Variants in SLC22A15 observed in about 807,000 individuals in gnomAD.
SLC22A15 encodes the protein flipt 1.
Under a neutral mutation model 62.7 loss-of-function variants are expected in SLC22A15, and 45 were observed. That is an observed-to-expected ratio of 0.72 (90% CI 0.56 to 0.92). The LOEUF (loss-of-function observed/expected upper bound fraction) is 0.92. Among genes scored for constraint, SLC22A15 ranks in the 40% least tolerant of loss-of-function variants. The probability of loss-of-function intolerance (pLI) is 0.00; values close to 1 mark genes in which losing one functional copy is unlikely to be tolerated. For synonymous variants in SLC22A15, 264 were observed against 267.0 expected (o/e 0.99, Z 0.11); for missense variants, 622 against 665.6 (o/e 0.93, Z 0.72).
At chr1:116,045,871 T>C (rs1248275040) in intron 8 of SLC22A15, among the ~76,000 whole-genome samples, 1 of 138,170 alleles carries the variant, frequency 7.2e-6, no homozygotes, top group East Asian at 1.9e-4. Context: ...GGTCAATTGA[T>C]TTTTTTTTTG....
intron 6 of SLC22A15, 62 bp from the exon 7 acceptor site, chr1:116,035,125 T>C: frequency 1.9e-6 from 3 of 1,546,134 alleles, no homozygotes; most frequent in Admixed American, 1.9e-5. Flanking sequence ...GGCAAATTCT[T>C]ATGTACTTTT....
At chr1:116,062,991 G>A in intron 9 of SLC22A15, 109 bp downstream of exon 9, 1 of 1,407,084 alleles carries the variant, frequency 7.1e-7, no homozygotes, top group Non-Finnish European at 9.8e-7. Flanking sequence ...GTTAGTTTGG[G>A]GCAGCAGTAA....
intron 8 of SLC22A15, among the ~76,000 whole-genome samples, chr1:116,051,874 TC>T (rs1472596607): frequency 1.3e-5 from 2 of 152,142 alleles, no homozygotes; most frequent in Non-Finnish European, 2.9e-5. Flanking sequence ...TTGTTTACAG[TC>T]CTGGGTATGT....
intron 2 of SLC22A15, among the ~76,000 whole-genome samples, chr1:115,996,206 G>T (rs549254332): frequency 6.6e-6 from 1 of 152,252 alleles, no homozygotes; most frequent in African/African-American, 2.4e-5. Context: ...GATTCATCTA[G>T]GCTTAGTTTT....
intron 1 of SLC22A15, among the ~76,000 whole-genome samples, chr1:115,978,438 G>C (rs184459538): frequency 6.6e-6 from 1 of 152,164 alleles, no homozygotes; most frequent in African/African-American, 2.4e-5. Flanking sequence ...AACCTTGGAT[G>C]ATTTATGGTC....
intron 8 of SLC22A15, among the ~76,000 whole-genome samples, chr1:116,042,583 GC>G (rs1362355872): frequency 1.3e-5 from 2 of 152,156 alleles, no homozygotes; most frequent in African/African-American, 2.4e-5. Context: ...ATGCTCAAAT[GC>G]TTTGCAAATT....
intron 1 of SLC22A15, among the ~76,000 whole-genome samples, chr1:115,991,754 G>A (rs1655149828): frequency 6.6e-6 from 1 of 152,184 alleles, no homozygotes; most frequent in Non-Finnish European, 1.5e-5. Context: ...AAGCATATAA[G>A]CAGTGTCTTT....
At chr1:116,062,282 C>G (rs1273534717) in intron 8 of SLC22A15, among the ~76,000 whole-genome samples, 4 of 152,194 alleles carry the variant, frequency 2.6e-5, no homozygotes, top group African/African-American at 9.6e-5. Flanking sequence ...TCCTTACCTT[C>G]TCAATGAAAC....
intron 2 of SLC22A15, among the ~76,000 whole-genome samples, chr1:116,009,981 G>A (rs971447332): frequency 1.3e-5 from 2 of 152,148 alleles, no homozygotes; most frequent in Non-Finnish European, 2.9e-5. Context: ...ACTTGGGTCA[G>A]GCCTTGCAGA....
intron 2 of SLC22A15, among the ~76,000 whole-genome samples, chr1:116,004,919 T>C (rs1655903515): frequency 6.6e-6 from 1 of 152,214 alleles, no homozygotes; most frequent in Non-Finnish European, 1.5e-5. Context: ...TTCCAGGAAT[T>C]GGTCCATTTT....
rs1658558279 is a variant in SLC22A15, at chr1:116,069,054, A to ATC, written c.*1952_*1953dup. On this transcript the variant is annotated 3_prime_UTR_variant, in exon 12 of 12. Coordinates refer to ENST00000369503, the MANE Select transcript of SLC22A15 (RefSeq NM_018420.3). ...CCATTTGAAGACTAATTGGGAGTCCATCTCTCTATTGGCACTGGGTTCGAT... is the reference window on the plus strand; with the variant it reads ...CCATTTGAAGACTAATTGGGAGTCCATCTCTCTCTATTGGCACTGGGTTCGAT... The ATC allele has an allele frequency of 6.6e-6, 1 of 152,330 alleles. No homozygotes were observed. Among genetic ancestry groups the ATC allele is most frequent in the South Asian group, 2.1e-4 (1 of 4,828 alleles). 9.4% of individuals were successfully genotyped at this position (152,330 alleles called of 1,614,324 possible).
At chr1:116,020,619 A>T in intron 3 of SLC22A15, 102 bp from the exon 4 acceptor site, 1 of 1,007,762 alleles carries the variant, frequency 9.9e-7, no homozygotes, top group Non-Finnish European at 1.4e-6. Context: ...CAGAAAATTT[A>T]AGTTTACAAA....
In SLC22A15 at chr1:116,064,421, A is replaced by G. The variant is rs755456135; in HGVS notation, c.1293-15A>G. The G allele has an allele frequency of 6.2e-7, 1 of 1,605,544 alleles. No homozygotes were observed. The highest frequency in any genetic ancestry group is 1.3e-5 in the African/African-American group (1 of 74,774). ...CGCTAGAACTTACTGATGTATTTTT[A>G]CTTATGCTTTTCAGGAATGTTGGGC... On this transcript the variant is annotated splice_polypyrimidine_tract_variant and intron_variant, in intron 9 of 11. Coordinates refer to ENST00000369503, the MANE Select transcript of SLC22A15 (RefSeq NM_018420.3).
intron 8 of SLC22A15, among the ~76,000 whole-genome samples, chr1:116,041,805 G>A (rs1314418690): frequency 1.3e-5 from 2 of 152,066 alleles, no homozygotes; most frequent in African/African-American, 4.8e-5. Context: ...CTGAGGCCAG[G>A]GGGAGACCAC....
chr1:116,018,427 C>G (rs1452115975), intron 2 of SLC22A15, among the ~76,000 whole-genome samples: 2 of 152,036 alleles, frequency 1.3e-5, no homozygotes, highest in Admixed American at 6.6e-5. Flanking sequence ...TGCAGTGGCG[C>G]GATCTCAGCT....
At chr1:116,036,952 T>C (rs553629522) in intron 7 of SLC22A15, among the ~76,000 whole-genome samples, 1 of 152,326 alleles carries the variant, frequency 6.6e-6, no homozygotes, top group Non-Finnish European at 1.5e-5. Flanking sequence ...AGATGGAGAA[T>C]ATAATAGTAC....
chr1:115,982,340 C>G (rs1243669413), intron 1 of SLC22A15, among the ~76,000 whole-genome samples: 2 of 152,174 alleles, frequency 1.3e-5, no homozygotes, highest in African/African-American at 4.8e-5. Flanking sequence ...TTCTACCACC[C>G]TAAAGTAAAG....
At chr1:115,978,196 C>T (rs927590686) in intron 1 of SLC22A15, among the ~76,000 whole-genome samples, 3 of 152,154 alleles carry the variant, frequency 2.0e-5, no homozygotes, top group Non-Finnish European at 4.4e-5. Flanking sequence ...ATCCCAGCTC[C>T]CCATCCCTCT....
At position 116,067,899 on chromosome 1, in the gene SLC22A15, G is replaced by A. The variant is rs1658534862; in HGVS notation, c.*791G>A. 6.6e-6 allele frequency: 1 copy of A among 152,032 alleles called. No homozygotes were observed. The highest frequency in any genetic ancestry group is 2.4e-5 in the African/African-American group (1 of 41,392). The allele number at this position is 152,032 out of a possible 1,614,324, so 9.4% of individuals were successfully genotyped here. On this transcript the variant is annotated 3_prime_UTR_variant, in exon 12 of 12. Coordinates refer to ENST00000369503, the MANE Select transcript of SLC22A15 (RefSeq NM_018420.3). ...AGAAAAATTTCCATCTGAGATTCTA[G>A]TACTTCAAAATCATGCATAGTAAAT...
Sources: gnomAD v4.1 joint callset for allele counts (sites outside exome capture counted in the v4.1 genomes callset) on GRCh38, gnomAD v4.1.1 for gene constraint, MANE v1.5 for transcripts, NCBI Gene and HGNC (gene_info 2026-07-23, HGNC 2026-07-21) for gene names.